OTUD7A: variants seen among roughly 807,000 people sequenced by gnomAD.
The protein encoded by OTUD7A is OTU domain-containing protein 7A.
OTUD7A carries 12 observed loss-of-function variants against 65.7 expected under a neutral mutation model. The observed-to-expected ratio is 0.18, with a 90% CI of 0.12 to 0.30. The LOEUF (loss-of-function observed/expected upper bound fraction) is 0.30, where lower values mean the gene tolerates loss of function less well. OTUD7A is among the 10% of genes least tolerant of loss of function. OTUD7A has a pLI of 1.00. For missense variants in OTUD7A, 1,148 were observed against 1,304.8 expected (o/e 0.88, Z 1.85); for synonymous variants, 641 against 586.3 (o/e 1.09, Z -1.35).
chr15:31,766,936 C>T, intron 1 of OTUD7A: 1 of 1,611,676 alleles, frequency 6.2e-7, no homozygotes, highest in Non-Finnish European at 8.5e-7. Context: ...CCTTGGTTTG[C>T]TGTTAGAGGA....
rs1566893607 is a variant in OTUD7A at position 31,511,386 on chromosome 15, AACACATATATATGTATATCTATATGTAAC to A, written c.894-7597_894-7569del. Among the ~76,000 whole-genome samples the A allele has an allele frequency of 5.7e-3, 26 of 4,554 alleles. 1 individual carries two copies. Among genetic ancestry groups the A allele is most frequent in the South Asian group, 0.042 (2 of 48 alleles). The allele number at this position is 4,554 out of a possible 152,430, so 3.0% of individuals were successfully genotyped here. A position where few individuals can be genotyped will look rare whatever the true frequency, so the allele number is the denominator to read the frequency against. ...CACATATATATGTATATCTATATGT[AACACATATATATGTATATCTATATGTAAC>A]ACACACATATATGTATATCTATATG... On this transcript the variant is annotated intron_variant, in intron 8 of 12. Coordinates refer to ENST00000307050, the MANE Select transcript of OTUD7A (RefSeq NM_001382637.1).
chr15:31,784,437 CAT>C (rs74701474), intron 1 of OTUD7A, among the ~76,000 whole-genome samples: 22,586 of 152,088 alleles, frequency 0.15, 2,229 homozygotes, highest in South Asian at 0.37. Flanking sequence ...TTTACTAAAA[CAT>C]AAAACAATGC....
At chr15:31,585,742 A>G (rs957975107) in intron 3 of OTUD7A, among the ~76,000 whole-genome samples, 6 of 152,162 alleles carry the variant, frequency 3.9e-5, no homozygotes, top group Non-Finnish European at 8.8e-5. Context: ...GTGTATACAT[A>G]TATGTGTATA....
intron 1 of OTUD7A, among the ~76,000 whole-genome samples, chr15:31,709,040 C>T (rs969655284): frequency 6.6e-6 from 1 of 151,582 alleles, no homozygotes; most frequent in East Asian, 1.9e-4. Context: ...GAGCGGAATG[C>T]CACAGCATAC....
chr15:31,548,294 T>C (rs1036489801), intron 5 of OTUD7A, among the ~76,000 whole-genome samples: 8 of 152,146 alleles, frequency 5.3e-5, no homozygotes, highest in Non-Finnish European at 1.2e-4. Flanking sequence ...CCCTCTAGAA[T>C]TGTGTAACTC....
intron 1 of OTUD7A, among the ~76,000 whole-genome samples, chr15:31,717,446 T>C (rs1407179495): frequency 2.0e-5 from 3 of 152,138 alleles, no homozygotes; most frequent in Admixed American, 1.3e-4. Flanking sequence ...TGCGTCCATG[T>C]GTTCTCATTG....
At chr15:31,770,197 A>T (rs1395957073) in intron 1 of OTUD7A, among the ~76,000 whole-genome samples, 3 of 152,310 alleles carry the variant, frequency 2.0e-5, no homozygotes, top group South Asian at 4.1e-4. Context: ...AATTCAAGAG[A>T]GTACAGAAAT....
intron 1 of OTUD7A, among the ~76,000 whole-genome samples, chr15:31,776,063 A>G (rs1895370593): frequency 6.6e-6 from 1 of 152,196 alleles, no homozygotes; most frequent in African/African-American, 2.4e-5. Flanking sequence ...CCACGCAGCC[A>G]CCTGCACCTG....
At chr15:31,862,278 C>T (rs914506842) in intron 1 of OTUD7A, among the ~76,000 whole-genome samples, 5 of 152,184 alleles carry the variant, frequency 3.3e-5, no homozygotes, top group Admixed American at 2.6e-4. Context: ...CCTTGTATGC[C>T]TGTTATTCTT....
At chr15:31,528,740 T>C (rs1410652663) in intron 6 of OTUD7A, among the ~76,000 whole-genome samples, 1 of 152,258 alleles carries the variant, frequency 6.6e-6, no homozygotes, top group African/African-American at 2.4e-5. Flanking sequence ...ATGACTGTCA[T>C]TTCTATATGT....
At chr15:31,626,680 A>G (rs1455470561) in intron 3 of OTUD7A, among the ~76,000 whole-genome samples, 2 of 152,082 alleles carry the variant, frequency 1.3e-5, no homozygotes, top group Admixed American at 6.5e-5. Flanking sequence ...GGTTCAAATG[A>G]TTCTCCTGCC....
intron 5 of OTUD7A, among the ~76,000 whole-genome samples, chr15:31,535,923 G>A (rs1017642262): frequency 3.3e-5 from 5 of 151,750 alleles, no homozygotes; most frequent in African/African-American, 9.7e-5. Context: ...CTCGTGATCC[G>A]CCCACCTCAG....
intron 1 of OTUD7A, among the ~76,000 whole-genome samples, chr15:31,765,499 C>T (rs1015549649): frequency 6.6e-6 from 1 of 152,170 alleles, no homozygotes; most frequent in Non-Finnish European, 1.5e-5. Context: ...TTTTAGCACA[C>T]ATCATGATAG....
chr15:31,501,891 G>C, intron 9 of OTUD7A, 52 bp from the exon 10 acceptor site: 1 of 1,557,008 alleles, frequency 6.4e-7, no homozygotes, highest in Non-Finnish European at 8.7e-7. Flanking sequence ...CTCGAGCTGG[G>C]AGGGGAGGCC....
rs1895050883 is a variant in OTUD7A at position 31,764,532 on chromosome 15, C to A, written c.-100+105975G>T. Among the ~76,000 whole-genome samples the A allele has an allele frequency of 2.0e-5, 3 of 152,042 alleles. No homozygotes were observed. In the East Asian group the frequency reaches 5.8e-4, roughly 29 times the overall value. ...TCAAGTTTGTACCAAGTCAATCAAGCAGAAACTGAAGAACCTTGTTTTAAG... is the reference window on the plus strand; with the variant it reads ...TCAAGTTTGTACCAAGTCAATCAAGAAGAAACTGAAGAACCTTGTTTTAAG... On this transcript the variant is annotated intron_variant, in intron 1 of 12. Coordinates refer to ENST00000307050, the MANE Select transcript of OTUD7A (RefSeq NM_001382637.1).
chr15:31,537,659 G>A (rs925024790), intron 5 of OTUD7A, among the ~76,000 whole-genome samples: 4 of 152,120 alleles, frequency 2.6e-5, no homozygotes, highest in Non-Finnish European at 5.9e-5. Flanking sequence ...AGTAAAACTG[G>A]GTTGCCACAG....
intron 1 of OTUD7A, among the ~76,000 whole-genome samples, chr15:31,662,681 A>G (rs997953174): frequency 3.9e-5 from 6 of 152,218 alleles, no homozygotes; most frequent in Admixed American, 1.3e-4. Context: ...TGGTGTACCC[A>G]TAACTAGTGG....
chr15:31,563,898 A>C (rs902670221), intron 4 of OTUD7A, among the ~76,000 whole-genome samples: 6 of 145,220 alleles, frequency 4.1e-5, no homozygotes, highest in Non-Finnish European at 9.1e-5. Flanking sequence ...CTGGAGGAGC[A>C]TCCACCAGAG....
At chr15:31,817,709 G>A (rs535442606) in intron 1 of OTUD7A, among the ~76,000 whole-genome samples, 2 of 152,286 alleles carry the variant, frequency 1.3e-5, no homozygotes, top group South Asian at 4.1e-4. Context: ...CAGGCCAAGG[G>A]CCAGCAGAGC....
Sources: allele counts gnomAD v4.1 joint callset (sites outside exome capture counted in the v4.1 genomes callset), GRCh38; gene constraint gnomAD v4.1.1; transcripts MANE v1.5; gene names NCBI Gene and HGNC (gene_info 2026-07-23, HGNC 2026-07-21).